The following PIP5K1C variants were observed in gnomAD, a reference collection of about 807,000 sequenced individuals.
The protein encoded by PIP5K1C is phosphatidylinositol 4-phosphate 5-kinase type-1 gamma.
Under a neutral mutation model 80.1 loss-of-function variants are expected in PIP5K1C, and 45 were observed. The observed-to-expected ratio is 0.56, with a 90% CI of 0.44 to 0.72. The LOEUF (loss-of-function observed/expected upper bound fraction) is 0.72. Among genes scored for constraint, PIP5K1C ranks in the 30% least tolerant of loss-of-function variants. The pLI, the probability that PIP5K1C is intolerant of heterozygous loss-of-function variation, is 0.00. For missense variants in PIP5K1C, 753 were observed against 954.6 expected (o/e 0.79, Z 2.78); for synonymous variants, 498 against 420.1 (o/e 1.19, Z -2.27).
At chr19:3,678,430 TGGA>T (rs1433744273) in intron 1 of PIP5K1C, among the ~76,000 whole-genome samples, 2 of 76,304 alleles carry the variant, frequency 2.6e-5, no homozygotes, top group African/African-American at 5.3e-5. Flanking sequence ...GATGGAGGGA[TGGA>T]GGATGGAGAG....
At chr19:3,672,678 G>A (rs1030546523) in intron 1 of PIP5K1C, 1 of 152,430 alleles carries the variant, frequency 6.6e-6, no homozygotes, top group African/African-American at 2.4e-5. Context: ...ACAGTGAGAG[G>A]AAACAGGGCA....
chr19:3,697,920 G>A (rs762860907), intron 1 of PIP5K1C, among the ~76,000 whole-genome samples: 11 of 152,232 alleles, frequency 7.2e-5, no homozygotes, highest in Non-Finnish European at 1.3e-4. Flanking sequence ...TTCAGGCCAC[G>A]CCTCGGGAGC....
chr19:3,675,678 A>G (rs2035335387), intron 1 of PIP5K1C, among the ~76,000 whole-genome samples: 1 of 152,162 alleles, frequency 6.6e-6, no homozygotes, highest in South Asian at 2.1e-4. Context: ...ACCCACATGC[A>G]AACGGCTTGG....
At position 3,696,475 on chromosome 19, in the gene PIP5K1C, G is replaced by A. The variant is rs1311220193; in HGVS notation, c.94+3822C>T. Among the ~76,000 whole-genome samples the A allele has an allele frequency of 6.6e-6, 1 of 152,170 alleles. No individual in the cohort carries two copies. The highest frequency in any genetic ancestry group is 2.4e-5 in the African/African-American group (1 of 41,426). ...TCAGGGAAGAGGAACCGGGAGGGCA[G>A]GGGACGGAGAAGGGGAGACCGCTGT... On this transcript the variant is annotated intron_variant, in intron 1 of 17. Coordinates refer to ENST00000335312, the MANE Select transcript of PIP5K1C (RefSeq NM_012398.3). This position sits in a 1 kb window ranked among gnomAD's most constrained non-coding sequence, Gnocchi z 4.1.
In PIP5K1C at chr19:3,637,585, G is replaced by A; in HGVS notation, c.1920+1299C>T. 2 of 1,296,640 alleles carry A rather than the reference G, an allele frequency of 1.5e-6. No homozygotes were observed. Among genetic ancestry groups the A allele is most frequent in the East Asian group, 5.3e-5 (1 of 18,908 alleles). The allele number at this position is 1,296,640 out of a possible 1,614,324, so 80.3% of individuals were successfully genotyped here. A position where few individuals can be genotyped will look rare whatever the true frequency, so the allele number is the denominator to read the frequency against. ...GGCCCGCAGTCGGCGATGGCGGGGAGAGTAAATCCAGTACCTCCCATCCGT... is the reference window on the plus strand; with the variant it reads ...GGCCCGCAGTCGGCGATGGCGGGGAAAGTAAATCCAGTACCTCCCATCCGT... On this transcript the variant is annotated intron_variant, in intron 16 of 17. Coordinates refer to ENST00000335312, the MANE Select transcript of PIP5K1C (RefSeq NM_012398.3). The surrounding 1 kb of genome is among the most constrained non-coding windows in gnomAD (Gnocchi z 7.0).
chr19:3,694,953 A>G (rs1352304029), intron 1 of PIP5K1C, among the ~76,000 whole-genome samples: 1 of 152,278 alleles, frequency 6.6e-6, no homozygotes, highest in Non-Finnish European at 1.5e-5. Context: ...CGTAGCCCCA[A>G]GCATGGCCAC....
intron 1 of PIP5K1C, 77 bp downstream of exon 1, chr19:3,700,220 C>A (rs2036254204): frequency 1.2e-6 from 1 of 857,098 alleles, no homozygotes; most frequent in Non-Finnish European, 1.5e-6. Flanking sequence ...CAGCCCCCGC[C>A]CCGGCCCCGC....
intron 6 of PIP5K1C, 57 bp from the exon 7 acceptor site, chr19:3,653,646 C>G (rs763236144): frequency 8.4e-5 from 128 of 1,516,672 alleles, no homozygotes; most frequent in Non-Finnish European, 1.1e-4. Flanking sequence ...CTCACGGGGG[C>G]GGGCAAAGCA....
Position 3,696,828 on chromosome 19 carries a change from G to A in PIP5K1C, c.94+3469C>T, listed in dbSNP as rs2036122997. ...CTATGTCTTTGACCCCAAGGGAGGT[G>A]GGAGCCATGGAGGGCTGCGAGCAGA... On this transcript the variant is annotated intron_variant, in intron 1 of 17. Transcript: ENST00000335312. This position sits in a 1 kb window ranked among gnomAD's most constrained non-coding sequence, Gnocchi z 4.1. Among the ~76,000 whole-genome samples, 6 of 152,188 alleles carry A rather than the reference G, an allele frequency of 3.9e-5. No individual in the cohort carries two copies. Among genetic ancestry groups the A allele is most frequent in the Admixed American group, 3.9e-4 (6 of 15,286 alleles).
intron 1 of PIP5K1C, among the ~76,000 whole-genome samples, chr19:3,694,844 C>G (rs1015666049): frequency 4.6e-5 from 7 of 152,232 alleles, no homozygotes; most frequent in African/African-American, 1.7e-4. Flanking sequence ...CCCAGGTGCC[C>G]TCACCACACT....
At chr19:3,657,252 T>C (rs2145466837) in intron 5 of PIP5K1C, among the ~76,000 whole-genome samples, 1 of 152,270 alleles carries the variant, frequency 6.6e-6, no homozygotes, top group Admixed American at 6.5e-5. Context: ...TCCTGGACAT[T>C]AGGCAGAAGG....
rs1168288048 is a variant in PIP5K1C, at chr19:3,692,948, ATC to A, written c.94+7347_94+7348del. On this transcript the variant is annotated intron_variant, in intron 1 of 17. Transcript: ENST00000335312. The surrounding 1 kb of genome is among the most constrained non-coding windows in gnomAD (Gnocchi z 5.2). ...TCCACAACCCCCTCACTTCCCCTGGATCTCTGTTCAAGTGTGGCCCCCGAGTC... is the reference window on the plus strand; with the variant it reads ...TCCACAACCCCCTCACTTCCCCTGGATCTGTTCAAGTGTGGCCCCCGAGTC... 1.3e-5 allele frequency among the ~76,000 whole-genome samples: 2 copies of A among 150,432 alleles called. No homozygotes were observed. The highest frequency in any genetic ancestry group is 4.9e-5 in the African/African-American group (2 of 40,690).
chr19:3,651,229 T>C (rs143061430), intron 8 of PIP5K1C, among the ~76,000 whole-genome samples: 20 of 152,200 alleles, frequency 1.3e-4, no homozygotes, highest in African/African-American at 4.8e-4. Context: ...CTACATTTTA[T>C]ATTTTTTGTA....
chr19:3,696,573 C>T lies in PIP5K1C; in HGVS notation c.94+3724G>A, dbSNP rs2145627849. ...CAAAACCTGGAAAGCGCTAAGGGAGCAAAGGACACAGATGGGAGGAGGGGC... is the reference window on the plus strand; with the variant it reads ...CAAAACCTGGAAAGCGCTAAGGGAGTAAAGGACACAGATGGGAGGAGGGGC... On this transcript the variant is annotated intron_variant, in intron 1 of 17. Coordinates refer to ENST00000335312, the MANE Select transcript of PIP5K1C (RefSeq NM_012398.3). This position sits in a 1 kb window ranked among gnomAD's most constrained non-coding sequence, Gnocchi z 4.1. Among the ~76,000 whole-genome samples, 1 of 110,772 alleles carries T rather than the reference C, an allele frequency of 9.0e-6. No homozygotes were observed. Among genetic ancestry groups the T allele is most frequent in the South Asian group, 3.0e-4 (1 of 3,314 alleles). 72.7% of individuals were successfully genotyped at this position (110,772 alleles called of 152,430 possible). A position where few individuals can be genotyped will look rare whatever the true frequency, so the allele number is the denominator to read the frequency against.
In PIP5K1C at chr19:3,674,832, TAC is replaced by T. The variant is rs971888929; in HGVS notation, c.95-7481_95-7480del. Among the ~76,000 whole-genome samples, 14 of 152,346 alleles carry T rather than the reference TAC, an allele frequency of 9.2e-5. No homozygotes were observed. The East Asian group carries it at 2.7e-3, about 29-fold the overall frequency. On this transcript the variant is annotated intron_variant, in intron 1 of 17. Transcript: ENST00000335312. ...TGGACTTCTTTGGAACAGGAGGAGTTACAGTTTTTAATTCCTTTGTCTTACTT... is the reference window on the plus strand; with the variant it reads ...TGGACTTCTTTGGAACAGGAGGAGTTAGTTTTTAATTCCTTTGTCTTACTT...
chr19:3,688,968 T>C lies in PIP5K1C; in HGVS notation c.94+11329A>G, dbSNP rs1051123093. ...GATGGGGCTGGGGGGTGGGGGGGGC[T>C]TGGCGCACGCGGCCTATGGTCTGTG... On this transcript the variant is annotated intron_variant, in intron 1 of 17. Coordinates refer to ENST00000335312, the MANE Select transcript of PIP5K1C (RefSeq NM_012398.3). The surrounding 1 kb of genome is among the most constrained non-coding windows in gnomAD (Gnocchi z 5.3). Among the ~76,000 whole-genome samples the C allele has an allele frequency of 6.6e-6, 1 of 151,588 alleles. No homozygotes were observed. The highest frequency in any genetic ancestry group is 1.5e-5 in the Non-Finnish European group (1 of 67,938).
intron 5 of PIP5K1C, 121 bp from the exon 6 acceptor site, chr19:3,656,678 G>T: frequency 8.7e-7 from 1 of 1,154,182 alleles, no homozygotes; most frequent in Non-Finnish European, 1.3e-6. Context: ...TACAGATGCG[G>T]AAAGAGAGGC....
At position 3,633,476 on chromosome 19, in the gene PIP5K1C, G is replaced by A. The variant is rs756029652; in HGVS notation, c.1965C>T (p.Ser655=). Residue 655 remains serine (S), a synonymous_variant, in exon 17 of 18, where the codon AGC becomes AGT. Transcript: ENST00000335312. ...CGTCGGAGGCCGGGGGGGCCTGGGC[G>A]CTATAGTGGAGCGGGGAGTACACCC... is the stretch of plus-strand genomic sequence containing the variant. ...RSWVYSPLHY[S]AQAPPASDGE... The A allele has an allele frequency of 1.5e-5, 22 of 1,513,514 alleles. No individual in the cohort carries two copies. The highest frequency in any genetic ancestry group is 5.6e-5 in the African/African-American group (4 of 71,836). The allele number at this position is 1,513,514 out of a possible 1,614,324, so 93.8% of individuals were successfully genotyped here. A position where few individuals can be genotyped will look rare whatever the true frequency, so the allele number is the denominator to read the frequency against.
chr19:3,671,270 C>T (rs1399467522), intron 1 of PIP5K1C, among the ~76,000 whole-genome samples: 1 of 152,240 alleles, frequency 6.6e-6, no homozygotes, highest in Non-Finnish European at 1.5e-5. Flanking sequence ...TGAGAGGTCA[C>T]AGCGCTTGGG....
Sources: gnomAD v4.1 joint callset for allele counts (sites outside exome capture counted in the v4.1 genomes callset) on GRCh38, gnomAD v4.1.1 for gene constraint, Gnocchi (gnomAD v3.1) non-coding constraint, MANE v1.5 for transcripts, NCBI Gene and HGNC (gene_info 2026-07-23, HGNC 2026-07-21) for gene names.